The following ZFHX3 variants were observed in gnomAD, a reference collection of about 807,000 sequenced individuals.
The protein encoded by ZFHX3 is zinc finger homeobox 3.
ZFHX3 carries 42 observed loss-of-function variants against 279.1 expected under a neutral mutation model. That is an observed-to-expected ratio of 0.15 (90% confidence interval 0.12 to 0.19). ZFHX3 has a LOEUF of 0.19. ZFHX3 is among the 10% of genes least tolerant of loss of function. The pLI, the probability that ZFHX3 is intolerant of heterozygous loss-of-function variation, is 1.00. For missense variants in ZFHX3, 4,981 were observed against 4,754.0 expected (o/e 1.05, Z -1.40); for synonymous variants, 2,293 against 1,957.8 (o/e 1.17, Z -4.52).
At chr16:73,481,426 G>T (rs1229561674) in intron 2 of ZFHX3, among the ~76,000 whole-genome samples, 1 of 151,746 alleles carries the variant, frequency 6.6e-6, no homozygotes, top group Admixed American at 6.6e-5. Flanking sequence ...CCAAATTTTA[G>T]TATTACTTTT....
At chr16:72,936,445 C>A (rs1213268518) in intron 3 of ZFHX3, among the ~76,000 whole-genome samples, 1 of 152,202 alleles carries the variant, frequency 6.6e-6, no homozygotes, top group Non-Finnish European at 1.5e-5. Flanking sequence ...ACTGTCAATG[C>A]AGAGAAGTTA....
intron 4 of ZFHX3, among the ~76,000 whole-genome samples, chr16:72,847,767 G>A (rs2037515783): frequency 1.3e-5 from 2 of 152,004 alleles, no homozygotes; most frequent in Non-Finnish European, 2.9e-5. Context: ...GAGAGTAAGC[G>A]ATGGGCGAAG....
intron 5 of ZFHX3, among the ~76,000 whole-genome samples, chr16:73,183,516 C>T (rs1967846539): frequency 6.6e-6 from 1 of 152,160 alleles, no homozygotes; most frequent in Admixed American, 6.5e-5. Flanking sequence ...GGGGTCCATC[C>T]AATGTTCCCT....
intron 6 of ZFHX3, chr16:73,143,653 G>A: frequency 1.2e-6 from 1 of 858,324 alleles, no homozygotes; most frequent in South Asian, 1.4e-5. Flanking sequence ...GTTTGGTTTT[G>A]TTTGGTGTCC....
intron 9 of ZFHX3, 147 bp from the exon 10 acceptor site, chr16:72,788,995 T>C: frequency 8.1e-7 from 1 of 1,237,704 alleles, no homozygotes; most frequent in Non-Finnish European, 1.1e-6. Flanking sequence ...AACAGAAGTA[T>C]CCCACCAGGC....
intron 1 of ZFHX3, among the ~76,000 whole-genome samples, chr16:73,866,832 C>A (rs77877180): frequency 6.6e-5 from 10 of 152,134 alleles, no homozygotes; most frequent in Non-Finnish European, 1.5e-5. Flanking sequence ...TTGACAGCTA[C>A]GGGCATCTAG....
chr16:72,891,384 C>A (rs568883258), intron 3 of ZFHX3, among the ~76,000 whole-genome samples: 1 of 152,274 alleles, frequency 6.6e-6, no homozygotes, highest in African/African-American at 2.4e-5. Context: ...AGACCCCAGG[C>A]TTCTGTGGCT....
intron 3 of ZFHX3, among the ~76,000 whole-genome samples, chr16:72,918,473 C>A (rs931366456): frequency 4.6e-5 from 7 of 152,232 alleles, no homozygotes; most frequent in East Asian, 1.9e-4. Flanking sequence ...GTCACAAAAA[C>A]CAGTATCCTT....
At chr16:73,266,806 T>C (rs8048566) in intron 4 of ZFHX3, among the ~76,000 whole-genome samples, 5,506 of 152,346 alleles carry the variant, frequency 0.036, 345 homozygotes, top group African/African-American at 0.13. Flanking sequence ...TCTCTTGCCT[T>C]CTGCCACATA....
At chr16:73,044,044 G>A (rs1429624125) in intron 1 of ZFHX3, among the ~76,000 whole-genome samples, 1 of 152,164 alleles carries the variant, frequency 6.6e-6, no homozygotes, top group African/African-American at 2.4e-5. Flanking sequence ...ACAGGACACT[G>A]TGCTTTGGAC....
intron 2 of ZFHX3, among the ~76,000 whole-genome samples, chr16:73,605,158 G>A (rs1214872399): frequency 1.3e-5 from 2 of 152,112 alleles, no homozygotes; most frequent in Admixed American, 6.5e-5. Context: ...GGTGGCGGAC[G>A]TGGTCATTCG....
At chr16:73,374,180 T>G (rs1373846075) in intron 3 of ZFHX3, among the ~76,000 whole-genome samples, 1 of 152,234 alleles carries the variant, frequency 6.6e-6, no homozygotes, top group East Asian at 1.9e-4. Flanking sequence ...GCAGGTGGGT[T>G]ATTTCTTAAA....
chr16:73,051,797 GCT>G (rs148282172), upstream of ZFHX3, among the ~76,000 whole-genome samples: 11 of 152,144 alleles, frequency 7.2e-5, no homozygotes, highest in Admixed American at 2.6e-4. Context: ...TAGGTAAAGA[GCT>G]CTCTCTCTCT....
chr16:73,176,558 C>T (rs565747390), intron 5 of ZFHX3, among the ~76,000 whole-genome samples: 8 of 151,976 alleles, frequency 5.3e-5, no homozygotes, highest in Non-Finnish European at 8.8e-5. Context: ...GGAAAATGCC[C>T]TCGGCTGAAT....
chr16:73,787,023 C>T (rs1959669979), intron 1 of ZFHX3, among the ~76,000 whole-genome samples: 1 of 152,168 alleles, frequency 6.6e-6, no homozygotes, highest in Non-Finnish European at 1.5e-5. Context: ...ATTTTAGTGA[C>T]ATTTCTTTTG....
intron 7 of ZFHX3, chr16:72,809,655 C>A (rs1487949855): frequency 6.6e-6 from 1 of 152,150 alleles, no homozygotes; most frequent in African/African-American, 2.4e-5. Flanking sequence ...TCACTTACAA[C>A]GTTATTCATT....
intron 1 of ZFHX3, among the ~76,000 whole-genome samples, chr16:73,707,135 T>C (rs538203261): frequency 3.3e-5 from 5 of 152,314 alleles, no homozygotes; most frequent in Admixed American, 3.3e-4. Flanking sequence ...TTTGAAGTCA[T>C]CAGCCAATTT....
chr16:73,139,076 G>A (rs115222565), intron 6 of ZFHX3, among the ~76,000 whole-genome samples: 3,454 of 152,168 alleles, frequency 0.023, 118 homozygotes, highest in African/African-American at 0.078. Flanking sequence ...CAGCAATTCC[G>A]CCTTACAGAA....
chr16:72,824,726 T>C (rs995838016), intron 5 of ZFHX3, among the ~76,000 whole-genome samples: 1 of 152,252 alleles, frequency 6.6e-6, no homozygotes, highest in African/African-American at 2.4e-5. Context: ...TTATTGGTGA[T>C]AAAGCATCAC....
Sources: allele counts gnomAD v4.1 joint callset (sites outside exome capture counted in the v4.1 genomes callset), GRCh38; gene constraint gnomAD v4.1.1; transcripts MANE v1.5; gene names NCBI Gene and HGNC (gene_info 2026-07-23, HGNC 2026-07-21).